Variants in KCNK13 observed in about 807,000 individuals in gnomAD.
KCNK13 encodes the protein potassium two pore domain channel subfamily K member 13.
KCNK13 carries 12 observed loss-of-function variants against 23.4 expected under a neutral mutation model. The observed-to-expected ratio is 0.51, with a 90% CI of 0.33 to 0.83. The LOEUF is 0.83. Ranked by LOEUF, KCNK13 falls within the 40% of genes least tolerant of loss-of-function variation. The probability of loss-of-function intolerance (pLI) is 0.02; values close to 1 mark genes in which losing one functional copy is unlikely to be tolerated. For synonymous variants in KCNK13, 231 were observed against 229.5 expected (o/e 1.01, Z -0.06); for missense variants, 463 against 556.3 (o/e 0.83, Z 1.69).
At chr14:90,071,884 T>G (rs1203580936) in intron 1 of KCNK13, among the ~76,000 whole-genome samples, 3 of 147,982 alleles carry the variant, frequency 2.0e-5, no homozygotes, top group African/African-American at 5.0e-5. Flanking sequence ...GGCGACAGAG[T>G]GAGACTCCAT....
intron 1 of KCNK13, among the ~76,000 whole-genome samples, chr14:90,117,052 T>G (rs2140415414): frequency 6.6e-6 from 1 of 152,180 alleles, no homozygotes; most frequent in South Asian, 2.1e-4. Flanking sequence ...TAACTAAGAA[T>G]AAAATATAAC....
At chr14:90,085,802 ATATAT>A (rs1022666882) in intron 1 of KCNK13, among the ~76,000 whole-genome samples, 8 of 84,406 alleles carry the variant, frequency 9.5e-5, no homozygotes, top group Non-Finnish European at 1.7e-4. Context: ...ACTTTATATT[ATATAT>A]TATATTATAT....
At chr14:90,073,272 G>A (rs74080581) in intron 1 of KCNK13, among the ~76,000 whole-genome samples, 3,058 of 152,282 alleles carry the variant, frequency 0.02, 105 homozygotes, top group African/African-American at 0.07. Context: ...TACTACGGGT[G>A]TAAGGTTTGG....
intron 1 of KCNK13, among the ~76,000 whole-genome samples, chr14:90,090,303 G>A (rs1432943165): frequency 1.3e-5 from 2 of 152,238 alleles, no homozygotes; most frequent in African/African-American, 2.4e-5. Flanking sequence ...TGGAGTCAAA[G>A]GAGATAATTT....
At chr14:90,146,123 C>T (rs1890070148) in intron 1 of KCNK13, among the ~76,000 whole-genome samples, 1 of 152,124 alleles carries the variant, frequency 6.6e-6, no homozygotes, top group Non-Finnish European at 1.5e-5. Context: ...GCAATTTTTG[C>T]TTCAAGTATG....
chr14:90,184,833 C>T lies in KCNK13; in HGVS notation c.1057C>T (p.Leu353=). The change falls in exon 2 of 2, where the codon CTG becomes TTG. Residue 353 remains leucine, a synonymous_variant. Coordinates refer to ENST00000282146, the MANE Select transcript of KCNK13 (RefSeq NM_022054.4). This position sits in a 1 kb window ranked among gnomAD's most constrained non-coding sequence, Gnocchi z 5.6. ...SGEMISMKDL[L]AANKASLAIL... ...GGAGATGATCTCCATGAAGGACTTGCTGGCAGCCAACAAGGCCTCGTTGGC... is the reference window on the plus strand; with the variant it reads ...GGAGATGATCTCCATGAAGGACTTGTTGGCAGCCAACAAGGCCTCGTTGGC... 1 of 1,613,790 alleles carries T rather than the reference C, an allele frequency of 6.2e-7. No individual in the cohort carries two copies.
chr14:90,120,972 A>C (rs1372946581), intron 1 of KCNK13, among the ~76,000 whole-genome samples: 2 of 152,166 alleles, frequency 1.3e-5, no homozygotes, highest in African/African-American at 4.8e-5. Flanking sequence ...CACCCATTGC[A>C]GTCTGTAGCT....
rs1442265271 is a variant in KCNK13, at chr14:90,161,778, A to C, written c.335-22333A>C. Among the ~76,000 whole-genome samples, 3 of 152,318 alleles carry C rather than the reference A, an allele frequency of 2.0e-5. No homozygotes were observed. In the East Asian group the frequency reaches 5.8e-4, roughly 29 times the overall value. On this transcript the variant is annotated intron_variant, in intron 1 of 1. Coordinates refer to ENST00000282146, the MANE Select transcript of KCNK13 (RefSeq NM_022054.4). Reference sequence around the variant, plus strand: ...ACTTAACCAAATGATTCTAAAGCTCATCAGGAAAATTGAACATGAAATAAG... The same window carrying C: ...ACTTAACCAAATGATTCTAAAGCTCCTCAGGAAAATTGAACATGAAATAAG...
At chr14:90,111,360 T>C (rs1197980342) in intron 1 of KCNK13, among the ~76,000 whole-genome samples, 3 of 152,176 alleles carry the variant, frequency 2.0e-5, no homozygotes, top group Admixed American at 6.5e-5. Context: ...TTCACTTTTT[T>C]CCCCGAATGT....
At chr14:90,136,849 G>A (rs79631853) in intron 1 of KCNK13, among the ~76,000 whole-genome samples, 2 of 152,210 alleles carry the variant, frequency 1.3e-5, no homozygotes, top group Non-Finnish European at 2.9e-5. Context: ...ATTTGAAATA[G>A]CACTTTGGAT....
intron 1 of KCNK13, among the ~76,000 whole-genome samples, chr14:90,142,853 G>T (rs1890025518): frequency 6.6e-6 from 1 of 152,198 alleles, no homozygotes; most frequent in African/African-American, 2.4e-5. Flanking sequence ...GGCTTACATA[G>T]CACCTTAACA....
intron 1 of KCNK13, among the ~76,000 whole-genome samples, chr14:90,172,469 C>T (rs1221473977): frequency 6.6e-6 from 1 of 152,130 alleles, no homozygotes; most frequent in Non-Finnish European, 1.5e-5. Context: ...GCCTTTGGTG[C>T]ACAACTATAG....
intron 1 of KCNK13, among the ~76,000 whole-genome samples, chr14:90,097,390 T>C (rs1194862150): frequency 6.6e-6 from 1 of 151,880 alleles, no homozygotes; most frequent in African/African-American, 2.4e-5. Context: ...AGGGAACTGA[T>C]CCATTCCCAT....
intron 1 of KCNK13, among the ~76,000 whole-genome samples, chr14:90,089,241 G>C (rs1889315738): frequency 6.6e-6 from 1 of 152,210 alleles, no homozygotes; most frequent in South Asian, 2.1e-4. Flanking sequence ...TGCTGATAGT[G>C]ATATGAACGA....
chr14:90,122,290 C>CATGA (rs1399643312), intron 1 of KCNK13, among the ~76,000 whole-genome samples: 1 of 151,080 alleles, frequency 6.6e-6, no homozygotes, highest in Non-Finnish European at 1.5e-5. Flanking sequence ...GATAACAGGG[C>CATGA]ATGAATATTT....
intron 1 of KCNK13, among the ~76,000 whole-genome samples, chr14:90,097,336 C>A (rs998427857): frequency 6.6e-6 from 1 of 152,150 alleles, no homozygotes; most frequent in African/African-American, 2.4e-5. Context: ...AGCAGACAGG[C>A]ATGAACCCCA....
intron 1 of KCNK13, among the ~76,000 whole-genome samples, chr14:90,113,349 G>A (rs1187962237): frequency 6.6e-6 from 1 of 152,026 alleles, no homozygotes; most frequent in Admixed American, 6.6e-5. Flanking sequence ...TTTCTTCAGT[G>A]GTAAAATTCG....
intron 1 of KCNK13, among the ~76,000 whole-genome samples, chr14:90,159,283 C>T (rs921212082): frequency 2.7e-4 from 41 of 152,206 alleles, no homozygotes; most frequent in African/African-American, 9.9e-4. Flanking sequence ...GTTTCCAACA[C>T]ATGTTTTTCC....
chr14:90,134,519 T>C (rs1277272913), intron 1 of KCNK13, among the ~76,000 whole-genome samples: 12 of 152,198 alleles, frequency 7.9e-5, no homozygotes, highest in Non-Finnish European at 1.6e-4. Context: ...CCAATGTTTA[T>C]GAAATGTTGA....
Sources: allele counts gnomAD v4.1 joint callset (sites outside exome capture counted in the v4.1 genomes callset), GRCh38; gene constraint gnomAD v4.1.1; non-coding constraint Gnocchi (gnomAD v3.1); transcripts MANE v1.5; gene names NCBI Gene and HGNC (gene_info 2026-07-23, HGNC 2026-07-21).